AKAP19: variants seen among roughly 807,000 people sequenced by gnomAD.
AKAP19 encodes the protein small A-kinase anchoring protein.
At chr2:190,043,485 T>C in the AKAP19 span, among the ~76,000 whole-genome samples, 1 of 152,228 alleles carries the variant, frequency 6.6e-6, no homozygotes, top group Non-Finnish European at 1.5e-5. Flanking sequence ...TATTCTGCTG[T>C]TAATACTTGT....
the AKAP19 span, among the ~76,000 whole-genome samples, chr2:190,112,543 C>T: frequency 0.44 from 66,270 of 151,946 alleles, 15,614 homozygotes; most frequent in South Asian, 0.68. Context: ...TGATAGATAA[C>T]TATCAAAGTA....
chr2:190,201,421 C>T, the AKAP19 span: 2 of 166,996 alleles, frequency 1.2e-5, no homozygotes, highest in African/African-American at 2.4e-5. Flanking sequence ...ATTTGGTAGA[C>T]ATTGAGTTTA....
the AKAP19 span, among the ~76,000 whole-genome samples, chr2:190,097,765 G>A: frequency 0.025 from 3,576 of 145,700 alleles, 159 homozygotes; most frequent in African/African-American, 0.085. Context: ...GCTCATGCCT[G>A]TAATCCCAGC....
the AKAP19 span, among the ~76,000 whole-genome samples, chr2:190,049,564 G>A: frequency 3.3e-5 from 5 of 152,256 alleles, no homozygotes; most frequent in East Asian, 1.9e-4. Flanking sequence ...ATACCTGGAC[G>A]TTGTCATGTA....
At chr2:190,081,069 A>G in the AKAP19 span, among the ~76,000 whole-genome samples, 1 of 152,292 alleles carries the variant, frequency 6.6e-6, no homozygotes, top group Non-Finnish European at 1.5e-5. Context: ...ATATTTTAAG[A>G]TGGATACTGA....
the AKAP19 span, among the ~76,000 whole-genome samples, chr2:190,015,495 C>T: frequency 1.3e-5 from 2 of 152,178 alleles, no homozygotes; most frequent in African/African-American, 2.4e-5. Flanking sequence ...ACATTGTTTC[C>T]CTGTAGGCCT....
the AKAP19 span, among the ~76,000 whole-genome samples, chr2:190,117,978 G>A: frequency 2.0e-5 from 3 of 151,984 alleles, no homozygotes; most frequent in African/African-American, 7.3e-5. Flanking sequence ...CCACTAGCAA[G>A]ACTAATAAAG....
At chr2:190,176,383 T>C in the AKAP19 span, among the ~76,000 whole-genome samples, 2 of 152,208 alleles carry the variant, frequency 1.3e-5, no homozygotes, top group Admixed American at 6.5e-5. The surrounding 1 kb of genome is among the most constrained non-coding windows in gnomAD (Gnocchi z 4.7). Flanking sequence ...AGTCTCGCAC[T>C]GTCACCCGGG....
chr2:189,884,007 C>T, the AKAP19 span, among the ~76,000 whole-genome samples: 8 of 152,224 alleles, frequency 5.3e-5, 1 homozygote, highest in Admixed American at 5.2e-4. Flanking sequence ...TTAACATTTA[C>T]ACCCAGATGC....
At chr2:190,200,423 T>A in the AKAP19 span, 1 of 320,962 alleles carries the variant, frequency 3.1e-6, no homozygotes. Context: ...CACTTCTTCC[T>A]AAGTAATGGC....
the AKAP19 span, chr2:190,057,201 A>T: frequency 6.2e-7 from 1 of 1,602,186 alleles, no homozygotes; most frequent in Non-Finnish European, 8.5e-7. Flanking sequence ...CAGCTTCAAA[A>T]TTGTTGAGGG....
the AKAP19 span, among the ~76,000 whole-genome samples, chr2:189,973,890 C>T: frequency 6.6e-6 from 1 of 152,036 alleles, no homozygotes; most frequent in Non-Finnish European, 1.5e-5. Flanking sequence ...ATTAGTCTTG[C>T]TAGCAGTCTA....
chr2:190,171,569 T>C, the AKAP19 span, among the ~76,000 whole-genome samples: 16 of 152,342 alleles, frequency 1.1e-4, no homozygotes, highest in Middle Eastern at 3.4e-3. Flanking sequence ...TACCTTGCTT[T>C]ACTGAGCACT....
the AKAP19 span, among the ~76,000 whole-genome samples, chr2:190,119,614 C>T: frequency 6.6e-6 from 1 of 152,142 alleles, no homozygotes; most frequent in Non-Finnish European, 1.5e-5. Context: ...TAAAGGTTGC[C>T]AGCTAGGGTG....
chr2:189,922,692 C>CT, the AKAP19 span, among the ~76,000 whole-genome samples: 5 of 152,122 alleles, frequency 3.3e-5, no homozygotes, highest in East Asian at 9.6e-4. Context: ...AAACAAATAT[C>CT]TTTTTTACCT....
At chr2:189,907,122 T>A in the AKAP19 span, among the ~76,000 whole-genome samples, 1 of 152,190 alleles carries the variant, frequency 6.6e-6, no homozygotes, top group African/African-American at 2.4e-5. Flanking sequence ...ATCCTTGAAC[T>A]ACAGAAATCA....
the AKAP19 span, among the ~76,000 whole-genome samples, chr2:189,896,436 T>C: frequency 6.6e-6 from 1 of 152,190 alleles, no homozygotes; most frequent in African/African-American, 2.4e-5. Context: ...AGGTTCCTTG[T>C]ACTTATTCCT....
At chr2:189,990,914 G>A in the AKAP19 span, among the ~76,000 whole-genome samples, 1 of 152,042 alleles carries the variant, frequency 6.6e-6, no homozygotes, top group Non-Finnish European at 1.5e-5. Flanking sequence ...TTATGCCTTT[G>A]CATCCTCACA....
the AKAP19 span, among the ~76,000 whole-genome samples, chr2:190,196,101 G>A: frequency 6.6e-6 from 1 of 151,832 alleles, no homozygotes; most frequent in Non-Finnish European, 1.5e-5. Context: ...TTTTTCACAT[G>A]GAAGGCTTTT....
Sources: allele counts gnomAD v4.1 joint callset (sites outside exome capture counted in the v4.1 genomes callset), GRCh38; gene constraint gnomAD v4.1.1; non-coding constraint Gnocchi (gnomAD v3.1); transcripts MANE v1.5; gene names NCBI Gene and HGNC (gene_info 2026-07-23, HGNC 2026-07-21).